Variants in LIPN observed in about 807,000 individuals in gnomAD.
LIPN encodes lipase family member N.
LIPN carries 32 observed loss-of-function variants against 43.7 expected under a neutral mutation model. That is an observed-to-expected ratio of 0.73 (90% CI 0.55 to 0.98). The LOEUF is 0.98. Ranked by LOEUF, LIPN falls within the 50% of genes least tolerant of loss-of-function variation. The pLI is 0.00. For missense variants in LIPN, 505 were observed against 483.8 expected, an observed-to-expected ratio of 1.04 and a Z score of -0.41; for synonymous variants, 156 against 157.6, an observed-to-expected ratio of 0.99 and a Z score of 0.08.
At chr10:88,768,009 T>C (rs1297282951) in intron 5 of LIPN, among the ~76,000 whole-genome samples, 1 of 128,140 alleles carries the variant, frequency 7.8e-6, no homozygotes, top group Non-Finnish European at 1.6e-5. Context: ...CCAACAAGTG[T>C]TTCAGTACAC....
Position 88,778,046 on chromosome 10 carries a change from T to C in LIPN, c.1001T>C (p.Val334Ala), listed in dbSNP as rs1319724158. ...PPIYDLTAMK[V>A]PTAIWAGGHD... The stretch of plus-strand genomic sequence containing the variant: ...ATATATGACCTGACTGCCATGAAAG[T>C]GCCTACTGCTATTTGGGCTGGTGGA... The change falls in exon 10 of 10, where the codon GTG (valine) becomes GCG (alanine). Residue 334 changes from valine (V) to alanine (A), a missense_variant. Coordinates refer to ENST00000404459, the MANE Select transcript of LIPN (RefSeq NM_001102469.2). 6.2e-7 allele frequency: 1 copy of C among 1,613,482 alleles called. No homozygotes were observed. Among genetic ancestry groups the C allele is most frequent in the African/African-American group, 1.3e-5 (1 of 75,008 alleles).
intron 4 of LIPN, among the ~76,000 whole-genome samples, chr10:88,765,176 T>G (rs517884): frequency 0.24 from 36,099 of 151,892 alleles, 4,431 homozygotes; most frequent in East Asian, 0.36. Context: ...TTAAAACCTT[T>G]TTAATGGGCA....
At chr10:88,775,386 A>G (rs1321961641) in intron 9 of LIPN, among the ~76,000 whole-genome samples, 1 of 151,918 alleles carries the variant, frequency 6.6e-6, no homozygotes, top group East Asian at 1.9e-4. Flanking sequence ...CCATCCAGAG[A>G]TAACTAGATG....
At position 88,764,454 on chromosome 10, in the gene LIPN, A is replaced by G. The variant is rs370749828; in HGVS notation, c.271A>G (p.Asn91Asp). The stretch of plus-strand genomic sequence containing the variant: ...TATGCAGCATGCCCTGTTTGCAGAC[A>G]ATGCCTACTGGCTTGAGAATTATGC... ...VYMQHALFAD[N>D]AYWLENYANG... The change falls in exon 4 of 10, where the codon AAT (asparagine) becomes GAT (aspartate). Residue 91 changes from asparagine (N) to aspartate (D), a missense_variant. Transcript: ENST00000404459. The G allele has an allele frequency of 6.2e-7, 1 of 1,612,408 alleles. No homozygotes were observed.
intron 7 of LIPN, among the ~76,000 whole-genome samples, chr10:88,772,232 T>G (rs1361339242): frequency 7.9e-5 from 12 of 151,896 alleles, no homozygotes. Context: ...GTTGATGGTC[T>G]CCTTTGCTTT....
chr10:88,768,174 A>G (rs1843143351), intron 5 of LIPN, among the ~76,000 whole-genome samples: 1 of 151,724 alleles, frequency 6.6e-6, no homozygotes, highest in Non-Finnish European at 1.5e-5. Context: ...AAAGGGGTGC[A>G]ATGCTACTGC....
chr10:88,773,266 T>C (rs1311795859), intron 7 of LIPN, among the ~76,000 whole-genome samples: 1 of 151,922 alleles, frequency 6.6e-6, no homozygotes, highest in Non-Finnish European at 1.5e-5. Context: ...CACTCTTCTA[T>C]TCCCTGGTGA....
upstream of LIPN, among the ~76,000 whole-genome samples, chr10:88,757,383 G>C (rs1028262400): frequency 5.9e-5 from 9 of 152,234 alleles, no homozygotes; most frequent in Admixed American, 2.6e-4. Flanking sequence ...GAACATGGAC[G>C]TTATCAAGGA....
At chr10:88,763,733 C>T (rs922281283) in intron 3 of LIPN, among the ~76,000 whole-genome samples, 12 of 151,998 alleles carry the variant, frequency 7.9e-5, no homozygotes, top group African/African-American at 2.9e-4. Flanking sequence ...TGCTCTCTCT[C>T]CCTCAGAAAT....
rs1329096414 is a variant in LIPN at position 88,766,367 on chromosome 10, G to A, written c.524G>A (p.Gly175Asp). ...EKLYFIGHSL[G>D]TTIGFVAFST... ...TTGTATTTCATTGGACATTCACTTGGCACTACAATAGGTATGTTTATGAGG... is the reference window on the plus strand; with the variant it reads ...TTGTATTTCATTGGACATTCACTTGACACTACAATAGGTATGTTTATGAGG... Residue 175 changes from glycine (G) to aspartate (D), a missense_variant, in exon 5 of 10, where the codon GGC (glycine) becomes GAC (aspartate). By Grantham distance (94) the Gly-to-Asp change is moderately conservative. Transcript: ENST00000404459. The A allele has an allele frequency of 1.3e-5, 20 of 1,591,876 alleles. No individual in the cohort carries two copies. Among genetic ancestry groups the A allele is most frequent in the Non-Finnish European group, 1.6e-5 (19 of 1,160,912 alleles).
chr10:88,765,803 T>G (rs1005320672), intron 4 of LIPN, among the ~76,000 whole-genome samples: 14 of 144,592 alleles, frequency 9.7e-5, no homozygotes, highest in African/African-American at 3.2e-4. Flanking sequence ...ATTTCCCAAA[T>G]GAGAAAACAT....
chr10:88,775,039 G>T (rs1455751500), intron 8 of LIPN, 53 bp from the exon 9 acceptor site: 35 of 1,258,134 alleles, frequency 2.8e-5, no homozygotes, highest in Non-Finnish European at 3.6e-5. Flanking sequence ...TTTGCTGTTA[G>T]CTTTCATGAT....
chr10:88,768,928 G>T lies in LIPN; in HGVS notation c.672G>T (p.Lys224Asn). 3 of 1,610,454 alleles carry T rather than the reference G, an allele frequency of 1.9e-6. No homozygotes were observed. The highest frequency in any genetic ancestry group is 1.7e-4 in the Middle Eastern group (1 of 6,034). ...TTCTACTTCCAAATTCCATAATCAA[G>T]GTAGGCTCCTTTCAACAAAATGTAC... ...RFFLLPNSII[K>N]AVFGTKGFFL... The change falls in exon 6 of 10, where the codon AAG (lysine) becomes AAT (asparagine). Residue 224 changes from lysine (K) to asparagine (N), a missense_variant and splice_region_variant. Coordinates refer to ENST00000404459, the MANE Select transcript of LIPN (RefSeq NM_001102469.2).
At chr10:88,771,720 A>G (rs1419479182) in intron 7 of LIPN, among the ~76,000 whole-genome samples, 2 of 150,684 alleles carry the variant, frequency 1.3e-5, no homozygotes, top group African/African-American at 4.9e-5. Context: ...GGGGGTGCAG[A>G]TGTCTCTTCC....
intron 4 of LIPN, among the ~76,000 whole-genome samples, 159 bp from the exon 5 acceptor site, chr10:88,766,110 A>G (rs983502951): frequency 6.6e-6 from 1 of 151,968 alleles, no homozygotes; most frequent in Non-Finnish European, 1.5e-5. Context: ...GAAAAACAAA[A>G]AGCTACAATA....
Position 88,764,428 on chromosome 10 carries a change from A to G in LIPN, c.245A>G (p.Tyr82Cys), listed in dbSNP as rs774265468. 1.2e-6 allele frequency: 2 copies of G among 1,611,738 alleles called. No homozygotes were observed. Among genetic ancestry groups the G allele is most frequent in the Admixed American group, 1.7e-5 (1 of 59,790 alleles). ...CCACCAGGTCCCCGGCCAGTTGTGTATATGCAGCATGCCCTGTTTGCAGAC... is the reference window on the plus strand; with the variant it reads ...CCACCAGGTCCCCGGCCAGTTGTGTGTATGCAGCATGCCCTGTTTGCAGAC... Reference protein sequence around the residue: ...ARSTGPRPVVYMQHALFADNA... With the variant: ...ARSTGPRPVVCMQHALFADNA... The change falls in exon 4 of 10, where the codon TAT (tyrosine) becomes TGT (cysteine). Residue 82 changes from tyrosine to cysteine, a missense_variant. Transcript: ENST00000404459.
upstream of LIPN, among the ~76,000 whole-genome samples, chr10:88,758,952 G>C (rs1842959824): frequency 6.6e-6 from 1 of 152,060 alleles, no homozygotes; most frequent in African/African-American, 2.4e-5. Flanking sequence ...GTCCAATAAA[G>C]TTTTGTTAGA....
intron 7 of LIPN, among the ~76,000 whole-genome samples, 167 bp from the exon 8 acceptor site, chr10:88,774,306 A>G (rs975885640): frequency 1.3e-5 from 2 of 151,998 alleles, no homozygotes; most frequent in Non-Finnish European, 2.9e-5. Flanking sequence ...CTTGTGGTTC[A>G]CTCACATTAA....
In LIPN at chr10:88,778,331, C is replaced by T. The variant is rs1843331903; in HGVS notation, c.*89C>T. 4 of 903,534 alleles carry T rather than the reference C, an allele frequency of 4.4e-6. No individual in the cohort carries two copies. The highest frequency in any genetic ancestry group is 4.4e-5 in the Admixed American group (2 of 45,194). The allele number at this position is 903,534 out of a possible 1,614,324, so 56.0% of individuals were successfully genotyped here. A position where few individuals can be genotyped will look rare whatever the true frequency, so the allele number is the denominator to read the frequency against. ...TAGTAACCAACAATGAGGTTGTCCC[C>T]CAGCACCCTGGGGGAGATGCACAGT... On this transcript the variant is annotated 3_prime_UTR_variant, in exon 10 of 10. Transcript: ENST00000404459.
Sources: gnomAD v4.1 joint callset for allele counts (sites outside exome capture counted in the v4.1 genomes callset) on GRCh38, gnomAD v4.1.1 for gene constraint, MANE v1.5 for transcripts, NCBI Gene and HGNC (gene_info 2026-07-23, HGNC 2026-07-21) for gene names.